NEK5: variants seen among roughly 807,000 people sequenced by gnomAD.
NEK5 encodes serine/threonine-protein kinase Nek5.
NEK5 carries 88 observed loss-of-function variants against 109.2 expected under a neutral mutation model. That is an observed-to-expected ratio of 0.81 (90% confidence interval 0.68 to 0.96). The LOEUF (loss-of-function observed/expected upper bound fraction) is 0.96. NEK5 is among the 40% of genes least tolerant of loss of function. The pLI, the probability that NEK5 is intolerant of heterozygous loss-of-function variation, is 0.00. For synonymous variants in NEK5, 283 were observed against 299.9 expected (o/e 0.94, Z 0.58); for missense variants, 834 against 920.7 (o/e 0.91, Z 1.22).
chr13:52,066,803 CAA>C (rs60602057), intron 20 of NEK5, among the ~76,000 whole-genome samples: 19 of 110,228 alleles, frequency 1.7e-4, no homozygotes, highest in Middle Eastern at 5.3e-3. Context: ...GACGCTGTCT[CAA>C]AAAAAAAAAA....
At chr13:52,075,932 T>C (rs987675600) in intron 18 of NEK5, 106 bp from the exon 19 acceptor site, 8 of 917,650 alleles carry the variant, frequency 8.7e-6, no homozygotes, top group Admixed American at 6.0e-5. Flanking sequence ...CTTAAAACCA[T>C]TGGTCTCATA....
chr13:52,083,279 T>A lies in NEK5; in HGVS notation c.1553A>T (p.Glu518Val), dbSNP rs1163093495. Residue 518 changes from glutamate (E) to valine (V), a missense_variant, in exon 17 of 24, where the codon GAG (glutamate) becomes GTG (valine). Physicochemically the swap from Glu to Val is moderately radical, Grantham distance 121. Around this residue, in one of 2 missense-constraint regions of NEK5, gnomAD observed 777 missense variants for 824.7 expected, o/e 0.94. Transcript: ENST00000684899. ...CATTACCTGCACAGGTGCTTCTCCC[T>A]CAGATGCATCTTGATGGACAGGCAG... is the stretch of plus-strand genomic sequence containing the variant. ...SNLPVHQDAS[E>V]GEAPVQDIEK... is the part of the protein sequence containing the mutation. The A allele has an allele frequency of 6.2e-7, 1 of 1,611,160 alleles. No individual in the cohort carries two copies. Among genetic ancestry groups the A allele is most frequent in the East Asian group, 2.2e-5 (1 of 44,874 alleles).
At chr13:52,046,616 G>A (rs9568692) in intron 23 of NEK5, among the ~76,000 whole-genome samples, 84,428 of 151,610 alleles carry the variant, frequency 0.56, 26,300 homozygotes, top group Non-Finnish European at 0.7. Flanking sequence ...CTGTAGTCCC[G>A]GCTACTCAGC....
Position 52,099,729 on chromosome 13 carries a change from T to C in NEK5, c.1026+14A>G, listed in dbSNP as rs962192102. On this transcript the variant is annotated intron_variant, in intron 12 of 23. Coordinates refer to ENST00000684899, the MANE Select transcript of NEK5 (RefSeq NM_001365552.1). ...ATAGCTAAAAAACACAAAGGAGGGT[T>C]TAGAATGACTTACAGATCTGGCCTT... The C allele has an allele frequency of 3.7e-6, 6 of 1,611,008 alleles. No homozygotes were observed. Among genetic ancestry groups the C allele is most frequent in the Non-Finnish European group, 5.1e-6 (6 of 1,178,892 alleles).
At chr13:52,059,332 A>G (rs1250040082) in intron 22 of NEK5, among the ~76,000 whole-genome samples, 4 of 53,378 alleles carry the variant, frequency 7.5e-5, no homozygotes, top group Admixed American at 2.3e-4. Context: ...GTGGAGAAAT[A>G]GGAACACTTT....
intron 12 of NEK5, among the ~76,000 whole-genome samples, chr13:52,099,275 G>T (rs1162048667): frequency 6.6e-6 from 1 of 152,132 alleles, no homozygotes; most frequent in Non-Finnish European, 1.5e-5. Flanking sequence ...GCTTATGCTT[G>T]TAATACCAGC....
intron 23 of NEK5, among the ~76,000 whole-genome samples, chr13:52,038,413 A>C (rs1954384419): frequency 6.6e-6 from 1 of 152,226 alleles, no homozygotes; most frequent in African/African-American, 2.4e-5. Flanking sequence ...AAGCCAAAGG[A>C]GTAGCCAAAT....
chr13:52,055,145 G>A (rs1392259708), intron 22 of NEK5, among the ~76,000 whole-genome samples: 1 of 152,158 alleles, frequency 6.6e-6, no homozygotes, highest in African/African-American at 2.4e-5. Flanking sequence ...AGAACTACGT[G>A]AAGAATGCAG....
In NEK5 at chr13:52,071,956, A is replaced by T. The variant is rs1474497052; in HGVS notation, c.1837T>A (p.Cys613Ser). 6.2e-7 allele frequency: 1 copy of T among 1,613,514 alleles called. No individual in the cohort carries two copies. Among genetic ancestry groups the T allele is most frequent in the Admixed American group, 1.7e-5 (1 of 59,924 alleles). The change falls in exon 20 of 24, where the codon TGC (cysteine) becomes AGC (serine). Residue 613 changes from cysteine to serine, a missense_variant. By Grantham distance (112) the Cys-to-Ser change is moderately radical. This residue lies in a region of NEK5 where 777 missense variants were observed against 824.7 expected (regional missense o/e 0.94). Transcript: ENST00000684899. Reference protein sequence around the residue: ...YTDKAFEKLHCPEAGFSTQTV... With the variant: ...YTDKAFEKLHSPEAGFSTQTV... ...AAGAAACACATACCTGCTTCTGGGC[A>T]GTGAAGTTTTTCAAATGCTTTGTCT...
At chr13:52,057,737 G>A (rs1315946238) in intron 22 of NEK5, among the ~76,000 whole-genome samples, 2 of 152,038 alleles carry the variant, frequency 1.3e-5, no homozygotes, top group Admixed American at 6.6e-5. Flanking sequence ...AAAGGCCTTT[G>A]ACAAAATTCA....
At chr13:52,091,888 C>T (rs1432037935) in intron 13 of NEK5, among the ~76,000 whole-genome samples, 1 of 151,914 alleles carries the variant, frequency 6.6e-6, no homozygotes, top group African/African-American at 2.4e-5. Flanking sequence ...TTTGAAAATC[C>T]CTAGAACATA....
intron 4 of NEK5, among the ~76,000 whole-genome samples, chr13:52,117,393 C>T (rs1313556499): frequency 6.6e-6 from 1 of 152,182 alleles, no homozygotes; most frequent in African/African-American, 2.4e-5. Context: ...GCCAAGCAAA[C>T]TCAAAGGCAT....
intron 23 of NEK5, among the ~76,000 whole-genome samples, chr13:52,049,327 G>A (rs574829807): frequency 2.0e-4 from 30 of 152,156 alleles, no homozygotes; most frequent in African/African-American, 5.8e-4. Flanking sequence ...GGGAGGCTGA[G>A]GTGGGAGGAT....
chr13:52,077,003 A>G (rs1566758410), intron 17 of NEK5, among the ~76,000 whole-genome samples: 1 of 152,242 alleles, frequency 6.6e-6, no homozygotes, highest in Non-Finnish European at 1.5e-5. Context: ...AAATAGGATA[A>G]CAGGACAGAA....
intron 4 of NEK5, among the ~76,000 whole-genome samples, chr13:52,116,615 G>A (rs1427286718): frequency 6.6e-6 from 1 of 152,222 alleles, no homozygotes; most frequent in Non-Finnish European, 1.5e-5. Flanking sequence ...AGAGAATCCA[G>A]CTAAGCCAAC....
At chr13:52,072,372 A>G (rs112275224) in intron 19 of NEK5, among the ~76,000 whole-genome samples, 2,176 of 152,310 alleles carry the variant, frequency 0.014, 59 homozygotes, top group African/African-American at 0.05. Flanking sequence ...AGTGCTCTCA[A>G]GCTTTTCTCA....
At chr13:52,126,272 AATT>A (rs1956062362) in intron 3 of NEK5, among the ~76,000 whole-genome samples, 1 of 152,204 alleles carries the variant, frequency 6.6e-6, no homozygotes, top group Non-Finnish European at 1.5e-5. Context: ...ATTTAGCAAA[AATT>A]ATTAATTTTT....
intron 8 of NEK5, among the ~76,000 whole-genome samples, chr13:52,107,719 CAAGGAGCCTTTTAAGATTAAACAAGTTTT>C (rs1279597681): frequency 6.6e-6 from 1 of 151,844 alleles, no homozygotes; most frequent in African/African-American, 2.4e-5. Context: ...GAATTCTTAA[CAAGGAGCCTTTTAAGATTAAACAAGTTTT>C]ATTGGTGGTC....
chr13:52,076,966 A>G (rs900389550), intron 17 of NEK5, among the ~76,000 whole-genome samples: 6 of 152,254 alleles, frequency 3.9e-5, no homozygotes, highest in African/African-American at 1.2e-4. Context: ...ATAATTTCAG[A>G]AAGTGTTAAG....
Sources: gnomAD v4.1 joint callset for allele counts (sites outside exome capture counted in the v4.1 genomes callset) on GRCh38, gnomAD v4.1.1 for gene constraint, gnomAD v4.1.1 regional missense constraint, MANE v1.5 for transcripts, NCBI Gene and HGNC (gene_info 2026-07-23, HGNC 2026-07-21) for gene names.